NRG1: variants seen among roughly 807,000 people sequenced by gnomAD.
NRG1 encodes the protein pro-neuregulin-1, membrane-bound isoform.
Under a neutral mutation model 63.8 loss-of-function variants are expected in NRG1, and 18 were observed. The observed-to-expected ratio is 0.28, with a 90% CI of 0.19 to 0.42. The LOEUF (loss-of-function observed/expected upper bound fraction) is 0.42. NRG1 is among the 10% of genes least tolerant of loss of function. NRG1 has a pLI of 1.00. For synonymous variants in NRG1, 302 were observed against 301.3 expected (o/e 1.00, Z -0.02); for missense variants, 762 against 814.7 (o/e 0.94, Z 0.79).
rs1280552054 is a variant in NRG1, at chr8:31,959,787, TTTATTTA to T, written c.37+320366_37+320372del. Among the ~76,000 whole-genome samples the T allele has an allele frequency of 7.3e-3, 961 of 130,782 alleles. 8 individuals are homozygous for T. The highest frequency in any genetic ancestry group is 0.027 in the African/African-American group (899 of 33,762). 85.8% of individuals were successfully genotyped at this position (130,782 alleles called of 152,430 possible). On this transcript the variant is annotated intron_variant, in intron 1 of 10. Coordinates refer to the NRG1 transcript ENST00000519301. ...ACCCCAAGCAACCACCGATTATTTA[TTTATTTA>T]TTATTTATTTATTTATTTATTTATT...
chr8:32,406,710 G>A (rs1290764490), intron 1 of NRG1, among the ~76,000 whole-genome samples: 5 of 151,244 alleles, frequency 3.3e-5, no homozygotes, highest in East Asian at 1.9e-4. Flanking sequence ...CTTTCTCTTC[G>A]TCCTTTTTTT....
At chr8:31,899,746 T>C (rs1049221728) in intron 1 of NRG1, among the ~76,000 whole-genome samples, 10 of 152,224 alleles carry the variant, frequency 6.6e-5, no homozygotes, top group Non-Finnish European at 1.5e-4. Flanking sequence ...GCCATCATAA[T>C]TATTCCATTA....
chr8:32,753,522 C>T (rs1349324871), intron 7 of NRG1, among the ~76,000 whole-genome samples: 1 of 152,150 alleles, frequency 6.6e-6, no homozygotes, highest in Admixed American at 6.5e-5. Context: ...CACTCTATTC[C>T]AAATCACACA....
At chr8:31,959,825 A>AT (rs1310737952) in intron 1 of NRG1, among the ~76,000 whole-genome samples, 2 of 140,968 alleles carry the variant, frequency 1.4e-5, no homozygotes, top group South Asian at 4.9e-4. Context: ...TTATTTATTT[A>AT]TTTATTTATT....
At chr8:32,215,094 T>A (rs1248975606) in intron 1 of NRG1, among the ~76,000 whole-genome samples, 1 of 152,248 alleles carries the variant, frequency 6.6e-6, no homozygotes, top group African/African-American at 2.4e-5. Flanking sequence ...AATTGTGTCC[T>A]ATGCTTACTT....
At chr8:32,389,045 T>G (rs1329319149) in intron 1 of NRG1, among the ~76,000 whole-genome samples, 1 of 152,100 alleles carries the variant, frequency 6.6e-6, no homozygotes, top group Non-Finnish European at 1.5e-5. Flanking sequence ...ATATAAAGGG[T>G]GTTTTATTTA....
At position 32,505,076 on chromosome 8, in the gene NRG1, C is replaced by T. The variant is rs76969656; in HGVS notation, c.38-90752C>T. 7.7e-3 allele frequency among the ~76,000 whole-genome samples: 1,176 copies of T among 152,142 alleles called. 9 individuals are homozygous for T. Among genetic ancestry groups the T allele is most frequent in the Non-Finnish European group, 9.8e-3 (668 of 68,010 alleles). ...AGTAGTCCCTTTAAAAGGGAGTTTT[C>T]GGGCATTTTTGTCTGTTACAGGGTT... On this transcript the variant is annotated intron_variant, in intron 1 of 10. Coordinates refer to the NRG1 transcript ENST00000519301.
chr8:32,623,939 A>G (rs1368229553), intron 5 of NRG1, among the ~76,000 whole-genome samples: 1 of 152,184 alleles, frequency 6.6e-6, no homozygotes, highest in African/African-American at 2.4e-5. Flanking sequence ...TTTGGACCAT[A>G]AAATATGTGT....
chr8:32,031,899 G>T (rs185717514), intron 1 of NRG1, among the ~76,000 whole-genome samples: 1 of 152,036 alleles, frequency 6.6e-6, no homozygotes, highest in African/African-American at 2.4e-5. Flanking sequence ...CTTTGCTATC[G>T]TGACTAGTGC....
Position 32,371,957 on chromosome 8 carries a change from T to C in NRG1, c.38-223871T>C, listed in dbSNP as rs192658416. On this transcript the variant is annotated intron_variant, in intron 1 of 10. Coordinates refer to the NRG1 transcript ENST00000519301. Reference sequence around the variant, plus strand: ...ATTGTGAGATACGATTTACCACAATTTTTTTCTTTCTTTCTTTCTTTTTTC... The same window carrying C: ...ATTGTGAGATACGATTTACCACAATCTTTTTCTTTCTTTCTTTCTTTTTTC... Among the ~76,000 whole-genome samples the C allele has an allele frequency of 7.5e-4, 102 of 136,028 alleles. 2 individuals carry two copies. In the East Asian group the frequency reaches 0.017, roughly 23 times the overall value. The allele number at this position is 136,028 out of a possible 152,430, so 89.2% of individuals were successfully genotyped here. A position where few individuals can be genotyped will look rare whatever the true frequency, so the allele number is the denominator to read the frequency against.
chr8:32,116,428 G>A (rs532286425), intron 1 of NRG1, among the ~76,000 whole-genome samples: 1 of 152,262 alleles, frequency 6.6e-6, no homozygotes, highest in South Asian at 2.1e-4. Context: ...TAAGGTCAGA[G>A]AGAAACTCCC....
chr8:31,959,204 T>C (rs1804993980), intron 1 of NRG1, among the ~76,000 whole-genome samples: 1 of 152,240 alleles, frequency 6.6e-6, no homozygotes, highest in African/African-American at 2.4e-5. Flanking sequence ...GAGCTCTGTG[T>C]CTTGAAAAGT....
chr8:32,027,297 C>T (rs892091567), intron 1 of NRG1, among the ~76,000 whole-genome samples: 4 of 151,998 alleles, frequency 2.6e-5, no homozygotes, highest in Admixed American at 2.0e-4. Context: ...ATATTTAGGA[C>T]ATGTATATGC....
At chr8:32,076,551 C>T (rs1826588276) in intron 1 of NRG1, among the ~76,000 whole-genome samples, 1 of 152,022 alleles carries the variant, frequency 6.6e-6, no homozygotes, top group Non-Finnish European at 1.5e-5. Flanking sequence ...TGGAACAGCA[C>T]ACACTGGGGT....
At chr8:32,126,349 A>G (rs1585483369) in intron 1 of NRG1, among the ~76,000 whole-genome samples, 2 of 151,922 alleles carry the variant, frequency 1.3e-5, no homozygotes, top group South Asian at 4.1e-4. Context: ...AGCAAATAGT[A>G]TATAATGTCC....
intron 5 of NRG1, among the ~76,000 whole-genome samples, chr8:32,655,349 T>C (rs1030419389): frequency 6.6e-6 from 1 of 152,212 alleles, no homozygotes; most frequent in African/African-American, 2.4e-5. Flanking sequence ...TTGCATGCTG[T>C]GTGACTTTGA....
At chr8:31,669,241 A>AT (rs1187995153) in intron 1 of NRG1, among the ~76,000 whole-genome samples, 1 of 27,728 alleles carries the variant, frequency 3.6e-5, no homozygotes, top group Non-Finnish European at 1.1e-4. Context: ...TAATTTTTGT[A>AT]TTCTTTTTTT....
chr8:32,539,362 T>C (rs1832349572), intron 1 of NRG1, among the ~76,000 whole-genome samples: 1 of 151,992 alleles, frequency 6.6e-6, no homozygotes. Context: ...ACAAGCCCAG[T>C]CAAAGAATGA....
At chr8:31,982,823 T>A (rs1432695108) in intron 1 of NRG1, among the ~76,000 whole-genome samples, 1 of 152,138 alleles carries the variant, frequency 6.6e-6, no homozygotes, top group Non-Finnish European at 1.5e-5. Context: ...TCCCAGAGGC[T>A]ATTGGGCATA....
Sources: gnomAD v4.1 joint callset for allele counts (sites outside exome capture counted in the v4.1 genomes callset) on GRCh38, gnomAD v4.1.1 for gene constraint, MANE v1.5 for transcripts, NCBI Gene and HGNC (gene_info 2026-07-23, HGNC 2026-07-21) for gene names.